The following NRXN3 variants were observed in gnomAD, a reference collection of about 807,000 sequenced individuals.
The protein encoded by NRXN3 is neurexin III.
NRXN3 carries 32 observed loss-of-function variants against 137.6 expected under a neutral mutation model. That is an observed-to-expected ratio of 0.23 (90% CI 0.18 to 0.31). The LOEUF is 0.31. Ranked by LOEUF, NRXN3 falls within the 10% of genes least tolerant of loss-of-function variation. The probability of loss-of-function intolerance (pLI) is 1.00; values close to 1 mark genes in which losing one functional copy is unlikely to be tolerated. For synonymous variants in NRXN3, 798 were observed against 784.5 expected (o/e 1.02, Z -0.29); for missense variants, 1,574 against 2,062.5 (o/e 0.76, Z 4.59).
At chr14:78,599,028 CA>C (rs1267046620) in intron 4 of NRXN3, among the ~76,000 whole-genome samples, 1 of 152,188 alleles carries the variant, frequency 6.6e-6, no homozygotes, top group Non-Finnish European at 1.5e-5. Context: ...CCCTTTGTAA[CA>C]GGCAATAATA....
intron 1 of NRXN3, among the ~76,000 whole-genome samples, chr14:78,171,726 G>A (rs1232769046): frequency 7.0e-6 from 1 of 143,778 alleles, no homozygotes; most frequent in Non-Finnish European, 1.5e-5. Context: ...GACTTACCCT[G>A]TGATTACTTG....
intron 19 of NRXN3, among the ~76,000 whole-genome samples, chr14:79,766,073 T>A (rs1482728291): frequency 2.6e-5 from 4 of 152,236 alleles, no homozygotes. Context: ...CTTTGGTTAT[T>A]CTCATTTAAA....
At chr14:78,914,334 C>T (rs770427213) in intron 10 of NRXN3, among the ~76,000 whole-genome samples, 11 of 152,172 alleles carry the variant, frequency 7.2e-5, no homozygotes, top group Non-Finnish European at 1.5e-4. Context: ...AATACCTGCA[C>T]TCTTGGAACA....
At chr14:78,925,779 A>T (rs2099287445) in intron 10 of NRXN3, among the ~76,000 whole-genome samples, 1 of 152,186 alleles carries the variant, frequency 6.6e-6, no homozygotes, top group Non-Finnish European at 1.5e-5. Flanking sequence ...CCCGCCAAGG[A>T]GGGCAGTAGC....
At chr14:79,824,848 A>G (rs1165903650) in intron 20 of NRXN3, among the ~76,000 whole-genome samples, 2 of 152,200 alleles carry the variant, frequency 1.3e-5, no homozygotes, top group African/African-American at 4.8e-5. Context: ...AAATATATAA[A>G]TTTACATATA....
chr14:78,597,649 A>ATATC (rs1251492514), intron 4 of NRXN3, among the ~76,000 whole-genome samples: 2 of 152,192 alleles, frequency 1.3e-5, no homozygotes, highest in African/African-American at 4.8e-5. Context: ...ATTGGACTGG[A>ATATC]TATCTCCAAG....
intron 15 of NRXN3, among the ~76,000 whole-genome samples, chr14:79,444,588 G>T (rs980845250): frequency 6.6e-6 from 1 of 152,180 alleles, no homozygotes; most frequent in Non-Finnish European, 1.5e-5. Context: ...ACTTTGGGAG[G>T]CTGACACCAG....
chr14:78,405,158 A>G (rs1416986246), intron 4 of NRXN3, among the ~76,000 whole-genome samples: 1 of 152,132 alleles, frequency 6.6e-6, no homozygotes, highest in Non-Finnish European at 1.5e-5. Flanking sequence ...TCTTCCACTA[A>G]TCTCATGCTT....
At chr14:79,326,466 T>TC (rs1440036990) in intron 15 of NRXN3, among the ~76,000 whole-genome samples, 1 of 152,206 alleles carries the variant, frequency 6.6e-6, no homozygotes, top group East Asian at 1.9e-4. Context: ...TTCAGAGACA[T>TC]CTCACCGCAA....
chr14:79,206,154 A>C (rs1282179361), intron 15 of NRXN3, among the ~76,000 whole-genome samples: 1 of 152,210 alleles, frequency 6.6e-6, no homozygotes, highest in Non-Finnish European at 1.5e-5. Flanking sequence ...ATAAATTATT[A>C]GCATTAATTT....
At chr14:78,321,596 C>G (rs1489952675) in intron 4 of NRXN3, among the ~76,000 whole-genome samples, 4 of 152,038 alleles carry the variant, frequency 2.6e-5, no homozygotes, top group Non-Finnish European at 4.4e-5. Context: ...TAAAACATTT[C>G]TGAGACAGCT....
intron 15 of NRXN3, among the ~76,000 whole-genome samples, chr14:79,071,833 G>A (rs901447625): frequency 4.6e-5 from 7 of 152,110 alleles, no homozygotes; most frequent in African/African-American, 1.7e-4. Flanking sequence ...TAATTGGATT[G>A]CTTGTAATAG....
At chr14:79,581,330 C>CATCT (rs1249649256) in intron 16 of NRXN3, among the ~76,000 whole-genome samples, 1 of 152,194 alleles carries the variant, frequency 6.6e-6, no homozygotes, top group East Asian at 1.9e-4. Context: ...AGCTGCCACT[C>CATCT]ATCTACCTTA....
At chr14:79,559,732 T>A (rs896787626) in intron 16 of NRXN3, among the ~76,000 whole-genome samples, 28 of 152,160 alleles carry the variant, frequency 1.8e-4, no homozygotes, top group African/African-American at 6.5e-4. Flanking sequence ...AAGCATAATA[T>A]CTACAAAGTG....
At chr14:78,444,981 A>G (rs564431321) in intron 4 of NRXN3, among the ~76,000 whole-genome samples, 9 of 151,748 alleles carry the variant, frequency 5.9e-5, no homozygotes, top group Non-Finnish European at 1.2e-4. Context: ...AGGCCACCCA[A>G]GATATTTAAT....
intron 15 of NRXN3, among the ~76,000 whole-genome samples, chr14:79,166,074 T>A (rs1473229670): frequency 6.6e-6 from 1 of 152,034 alleles, no homozygotes; most frequent in Non-Finnish European, 1.5e-5. Context: ...TGCCTTTGAT[T>A]TCAGTACTGG....
intron 4 of NRXN3, among the ~76,000 whole-genome samples, chr14:78,421,403 G>A (rs1448107400): frequency 3.3e-5 from 5 of 152,020 alleles, no homozygotes; most frequent in African/African-American, 7.2e-5. Flanking sequence ...CTAACAAGGA[G>A]GATATAAATA....
chr14:78,938,488 G>A (rs1597624509), intron 10 of NRXN3, among the ~76,000 whole-genome samples: 1 of 152,160 alleles, frequency 6.6e-6, no homozygotes, highest in Non-Finnish European at 1.5e-5. Context: ...TATTATCTCT[G>A]CAAACTCTCC....
chr14:79,563,101 G>A (rs1453539779), intron 16 of NRXN3, among the ~76,000 whole-genome samples: 4 of 152,138 alleles, frequency 2.6e-5, no homozygotes, highest in Admixed American at 6.6e-5. Flanking sequence ...AAAAGCCAAC[G>A]CATTGTAAAA....
Sources: gnomAD v4.1 joint callset for allele counts (sites outside exome capture counted in the v4.1 genomes callset) on GRCh38, gnomAD v4.1.1 for gene constraint, MANE v1.5 for transcripts, NCBI Gene and HGNC (gene_info 2026-07-23, HGNC 2026-07-21) for gene names.